Variants in LGR5 observed in about 807,000 individuals in gnomAD.
LGR5 encodes the protein leucine rich repeat containing G protein-coupled receptor 5.
A neutral mutation model predicts 76.7 loss-of-function variants in LGR5; 54 were observed. The ratio of observed to expected loss-of-function variants is 0.70; its 90% CI spans 0.57 to 0.88. LGR5 has a LOEUF of 0.88. Ranked by LOEUF, LGR5 falls within the 40% of genes least tolerant of loss-of-function variation. The probability of loss-of-function intolerance (pLI) is 0.00; values close to 1 mark genes in which losing one functional copy is unlikely to be tolerated. For synonymous variants in LGR5, 406 were observed against 421.9 expected, an observed-to-expected ratio of 0.96 and a Z score of 0.46; for missense variants, 1,078 against 1,073.3, an observed-to-expected ratio of 1.00 and a Z score of -0.06.
Position 71,573,682 on chromosome 12 carries a change from GAC to G in LGR5, c.1208+763_1208+764del. ...TTGTTAAAAACCTTTCTCTTTTGCTGACATCTAAAGTATTTTTTTTGTACTTA... is the reference window on the plus strand; with the variant it reads ...TTGTTAAAAACCTTTCTCTTTTGCTGATCTAAAGTATTTTTTTTGTACTTA... On this transcript the variant is annotated intron_variant, in intron 13 of 17. Coordinates refer to ENST00000266674, the MANE Select transcript of LGR5 (RefSeq NM_003667.4). Among the ~76,000 whole-genome samples, 3 of 152,078 alleles carry G rather than the reference GAC, an allele frequency of 2.0e-5. 1 individual carries two copies. The highest frequency in any genetic ancestry group is 6.8e-3 in the Middle Eastern group (2 of 294).
chr12:71,573,535 T>TA (rs1878711056), intron 13 of LGR5, among the ~76,000 whole-genome samples: 3 of 151,748 alleles, frequency 2.0e-5, no homozygotes, highest in African/African-American at 2.4e-5. Flanking sequence ...TTAAATTTTT[T>TA]TAAAAAACTT....
At chr12:71,462,419 C>G (rs1441949254) in intron 1 of LGR5, among the ~76,000 whole-genome samples, 3 of 152,164 alleles carry the variant, frequency 2.0e-5, no homozygotes, top group Non-Finnish European at 4.4e-5. Flanking sequence ...TTTGACCTTT[C>G]TGGCCTTATT....
chr12:71,494,484 T>C (rs1426939800), intron 1 of LGR5, among the ~76,000 whole-genome samples: 1 of 151,236 alleles, frequency 6.6e-6, no homozygotes, highest in Non-Finnish European at 1.5e-5. Context: ...TTCTGAGGTA[T>C]TTAAGATCCA....
chr12:71,483,391 G>C (rs901157403), intron 1 of LGR5, among the ~76,000 whole-genome samples: 4 of 152,160 alleles, frequency 2.6e-5, no homozygotes, highest in African/African-American at 9.7e-5. Context: ...TCACTCCAAA[G>C]GGACTGGCAA....
intron 1 of LGR5, among the ~76,000 whole-genome samples, chr12:71,497,957 C>T (rs1245573097): frequency 6.6e-6 from 1 of 152,134 alleles, no homozygotes; most frequent in Non-Finnish European, 1.5e-5. Flanking sequence ...AAAGTACCTA[C>T]TTTAGTCATC....
intron 1 of LGR5, among the ~76,000 whole-genome samples, chr12:71,446,786 T>C (rs1872015692): frequency 6.6e-6 from 1 of 152,214 alleles, no homozygotes. Context: ...CAGTTTTCAA[T>C]TTTCCAATAA....
At chr12:71,524,543 G>A in intron 3 of LGR5, 66 bp downstream of exon 3, 1 of 1,144,054 alleles carries the variant, frequency 8.7e-7, no homozygotes, top group Non-Finnish European at 1.3e-6. Context: ...TAATTAACTT[G>A]TAAAAGCTGA....
At chr12:71,530,416 T>C (rs984547336) in intron 3 of LGR5, among the ~76,000 whole-genome samples, 14 of 152,130 alleles carry the variant, frequency 9.2e-5, no homozygotes, top group African/African-American at 3.4e-4. Flanking sequence ...AATATTTGTC[T>C]GGGGCCCTGA....
At chr12:71,575,245 C>T (rs1878797813) in intron 13 of LGR5, among the ~76,000 whole-genome samples, 2 of 152,118 alleles carry the variant, frequency 1.3e-5, no homozygotes, top group African/African-American at 4.8e-5. Context: ...CAAACAAAAA[C>T]CTCATAACTA....
intron 4 of LGR5, among the ~76,000 whole-genome samples, chr12:71,539,913 A>T (rs1482812284): frequency 3.3e-5 from 5 of 152,250 alleles, no homozygotes; most frequent in Non-Finnish European, 5.9e-5. Flanking sequence ...TGACATGGCA[A>T]TGACTTCCCA....
chr12:71,439,869 C>T lies in LGR5; in HGVS notation c.-212C>T. ...TGTCGCCGCTGCAGCCAGGGCTGCT[C>T]CGAAGGCCGGCGTGGCGGCAACCGG... On this transcript the variant is annotated 5_prime_UTR_variant, in exon 1 of 18. Transcript: ENST00000266674. The T allele has an allele frequency of 3.7e-6, 2 of 536,166 alleles. No homozygotes were observed. The highest frequency in any genetic ancestry group is 6.5e-6 in the Non-Finnish European group (2 of 308,248). The allele number at this position is 536,166 out of a possible 1,614,324, so 33.2% of individuals were successfully genotyped here. A position where few individuals can be genotyped will look rare whatever the true frequency, so the allele number is the denominator to read the frequency against.
intron 11 of LGR5, among the ~76,000 whole-genome samples, chr12:71,568,659 T>C (rs1305149945): frequency 6.6e-6 from 1 of 152,220 alleles, no homozygotes; most frequent in African/African-American, 2.4e-5. Context: ...CTGAGAAAGA[T>C]ACCAATGCTT....
chr12:71,508,516 G>T (rs372892157), intron 2 of LGR5, among the ~76,000 whole-genome samples: 1 of 152,062 alleles, frequency 6.6e-6, no homozygotes, highest in Non-Finnish European at 1.5e-5. Context: ...AGCACTTTGG[G>T]AGGCCAAGGT....
intron 2 of LGR5, among the ~76,000 whole-genome samples, chr12:71,522,227 G>T (rs41339248): frequency 2.0e-5 from 3 of 152,008 alleles, no homozygotes; most frequent in Non-Finnish European, 4.4e-5. Context: ...GAGAGTTTTC[G>T]AATAGGGCAG....
intron 1 of LGR5, among the ~76,000 whole-genome samples, chr12:71,466,587 C>T (rs111558079): frequency 0.014 from 2,071 of 151,432 alleles, 18 homozygotes; most frequent in Middle Eastern, 0.034. Context: ...TGATTCTTCA[C>T]GATCATACTA....
intron 3 of LGR5, among the ~76,000 whole-genome samples, chr12:71,533,565 C>T (rs1421991549): frequency 6.6e-6 from 1 of 152,076 alleles, no homozygotes; most frequent in African/African-American, 2.4e-5. Context: ...TCTGATGAAC[C>T]CTAAAGTTTG....
At chr12:71,548,590 A>T (rs1877314991) in intron 4 of LGR5, among the ~76,000 whole-genome samples, 2 of 152,236 alleles carry the variant, frequency 1.3e-5, no homozygotes, top group Admixed American at 1.3e-4. Flanking sequence ...AACCAGCTTC[A>T]CATAATAATA....
intron 1 of LGR5, among the ~76,000 whole-genome samples, chr12:71,498,214 T>C (rs1168381136): frequency 6.6e-6 from 1 of 152,082 alleles, no homozygotes; most frequent in Non-Finnish European, 1.5e-5. Context: ...GCAAAAACAA[T>C]CACTGTGAAA....
At chr12:71,573,924 A>AAG (rs2137460463) in intron 13 of LGR5, among the ~76,000 whole-genome samples, 1 of 150,432 alleles carries the variant, frequency 6.6e-6, no homozygotes, top group African/African-American at 2.4e-5. Flanking sequence ...AAAAAAAAAA[A>AAG]GTGTAAAAGG....
Sources: gnomAD v4.1 joint callset for allele counts (sites outside exome capture counted in the v4.1 genomes callset) on GRCh38, gnomAD v4.1.1 for gene constraint, MANE v1.5 for transcripts, NCBI Gene and HGNC (gene_info 2026-07-23, HGNC 2026-07-21) for gene names.